Variants in BPIFA2 observed in about 807,000 individuals in gnomAD.
BPIFA2 encodes BPI fold containing family A member 2, also known as BPI fold-containing family A member 2.
BPIFA2 carries 20 observed loss-of-function variants against 25.7 expected under a neutral mutation model. The observed-to-expected ratio is 0.78, with a 90% confidence interval of 0.55 to 1.13. BPIFA2 has a LOEUF of 1.13. BPIFA2 is among the 50% of genes most tolerant of loss of function. The pLI is 0.00. For synonymous variants in BPIFA2, 126 were observed against 124.3 expected, an observed-to-expected ratio of 1.01 and a Z score of -0.09; for missense variants, 300 against 298.1, an observed-to-expected ratio of 1.01 and a Z score of -0.05.
chr20:33,179,342 A>C (rs2146458005), intron 6 of BPIFA2, among the ~76,000 whole-genome samples: 1 of 152,018 alleles, frequency 6.6e-6, no homozygotes, highest in East Asian at 1.9e-4. Context: ...AGGCAGGAGA[A>C]TCACTTGAAT....
At chr20:33,174,770 G>T (rs1002795529) in intron 4 of BPIFA2, among the ~76,000 whole-genome samples, 1 of 152,102 alleles carries the variant, frequency 6.6e-6, no homozygotes, top group African/African-American at 2.4e-5. Context: ...AATTAACCAG[G>T]TGTGGCAGCA....
At chr20:33,162,977 G>T (rs993272722) in intron 1 of BPIFA2, among the ~76,000 whole-genome samples, 5 of 152,208 alleles carry the variant, frequency 3.3e-5, no homozygotes, top group African/African-American at 1.2e-4. Flanking sequence ...GGCCATCAAT[G>T]CACAGAAAAT....
chr20:33,173,757 G>A (rs1387918651), intron 3 of BPIFA2, among the ~76,000 whole-genome samples: 2 of 152,162 alleles, frequency 1.3e-5, no homozygotes, highest in Non-Finnish European at 2.9e-5. Flanking sequence ...GCCTGCCTTG[G>A]CCTCCCAAAG....
chr20:33,176,800 A>C (rs1286639719), intron 5 of BPIFA2, among the ~76,000 whole-genome samples: 1 of 152,102 alleles, frequency 6.6e-6, no homozygotes, highest in African/African-American at 2.4e-5. Flanking sequence ...CTGTGCCCAG[A>C]TACAGTGGCC....
At chr20:33,168,971 A>T (rs1983807124) in intron 1 of BPIFA2, among the ~76,000 whole-genome samples, 160 bp from the exon 2 acceptor site, 1 of 152,210 alleles carries the variant, frequency 6.6e-6, no homozygotes, top group African/African-American at 2.4e-5. Context: ...GTCTCCGGGC[A>T]AGTTGCTGTA....
chr20:33,173,944 G>A (rs1983986972), intron 3 of BPIFA2, 135 bp from the exon 4 acceptor site: 2 of 665,880 alleles, frequency 3.0e-6, no homozygotes, highest in African/African-American at 1.8e-5. Flanking sequence ...TCAAACCTCT[G>A]AACAGGGCTA....
chr20:33,168,893 G>A (rs944178082), intron 1 of BPIFA2, among the ~76,000 whole-genome samples: 2 of 152,238 alleles, frequency 1.3e-5, no homozygotes, highest in African/African-American at 4.8e-5. Context: ...GGAACTTTGT[G>A]TCAAGAGTAT....
At chr20:33,172,408 A>AT (rs201270484) in intron 2 of BPIFA2, among the ~76,000 whole-genome samples, 21,943 of 150,244 alleles carry the variant, frequency 0.15, 3,838 homozygotes, top group African/African-American at 0.44. Flanking sequence ...AGTTAAAAAA[A>AT]AAAAATTATT....
Position 33,179,648 on chromosome 20 carries a change from T to C in BPIFA2, c.690T>C (p.Asn230=). ...TCTTCATCCACTCCCTGGATGTGAATGTCATTCAGCAGGTCGTCGGTAAGT... is the reference window on the plus strand; with the variant it reads ...TCTTCATCCACTCCCTGGATGTGAACGTCATTCAGCAGGTCGTCGGTAAGT... ...IRIFIHSLDV[N]VIQQVVDNPQ... The change falls in exon 7 of 9, where the codon AAT becomes AAC. Residue 230 remains asparagine, a synonymous_variant. Transcript: ENST00000354932. The C allele has an allele frequency of 6.2e-7, 1 of 1,612,760 alleles. No homozygotes were observed. The highest frequency in any genetic ancestry group is 8.5e-7 in the Non-Finnish European group (1 of 1,178,896).
Position 33,179,590 on chromosome 20 carries a change from T to C in BPIFA2, c.646-14T>C, listed in dbSNP as rs1284757131. 6.2e-7 allele frequency: 1 copy of C among 1,601,932 alleles called. No individual in the cohort carries two copies. The highest frequency in any genetic ancestry group is 1.7e-5 in the Admixed American group (1 of 59,988). On this transcript the variant is annotated splice_polypyrimidine_tract_variant and intron_variant, in intron 6 of 8. Coordinates refer to ENST00000354932, the MANE Select transcript of BPIFA2 (RefSeq NM_080574.4). ...TACTCCTGACCCTCCTCTTCCTCCT[T>C]TCTCCGCTGTCAGATATGTCCACTG...
chr20:33,173,920 T>C (rs1983985962), intron 3 of BPIFA2, among the ~76,000 whole-genome samples, 159 bp from the exon 4 acceptor site: 2 of 152,072 alleles, frequency 1.3e-5, no homozygotes, highest in Admixed American at 1.3e-4. Context: ...TGCTGTGCCA[T>C]AAAATACAGA....
At chr20:33,171,682 A>C (rs1983902292) in intron 2 of BPIFA2, among the ~76,000 whole-genome samples, 1 of 152,238 alleles carries the variant, frequency 6.6e-6, no homozygotes, top group Non-Finnish European at 1.5e-5. Flanking sequence ...TCAAAACCAC[A>C]ATGAGATACC....
intron 2 of BPIFA2, among the ~76,000 whole-genome samples, 187 bp from the exon 3 acceptor site, chr20:33,172,745 G>A (rs566694836): frequency 6.6e-6 from 1 of 152,208 alleles, no homozygotes; most frequent in Non-Finnish European, 1.5e-5. Context: ...GGCTAGACAC[G>A]TTTCTTAACC....
At chr20:33,180,282 G>C (rs568027715) in intron 7 of BPIFA2, among the ~76,000 whole-genome samples, 11 of 152,140 alleles carry the variant, frequency 7.2e-5, no homozygotes, top group African/African-American at 2.6e-4. Flanking sequence ...CCCTTAGGCA[G>C]TCACTTTGTG....
chr20:33,174,977 T>C (rs190874019), intron 4 of BPIFA2, among the ~76,000 whole-genome samples: 130 of 152,338 alleles, frequency 8.5e-4, no homozygotes, highest in African/African-American at 3.0e-3. Context: ...AAAGCACTTC[T>C]GTAAACTACA....
At chr20:33,163,467 C>T (rs569799604), upstream of BPIFA2, among the ~76,000 whole-genome samples, 4 of 152,160 alleles carry the variant, frequency 2.6e-5, no homozygotes, top group South Asian at 2.1e-4. Context: ...GGGGTGCTAG[C>T]GCAATGGAGA....
intron 6 of BPIFA2, among the ~76,000 whole-genome samples, chr20:33,179,211 C>T (rs1984187288): frequency 6.6e-6 from 1 of 152,052 alleles, no homozygotes; most frequent in Admixed American, 6.5e-5. Context: ...GGGCAGATCA[C>T]TTGAGGTCAG....
Position 33,180,524 on chromosome 20 carries a change from T to A in BPIFA2, c.714T>A (p.Asn238Lys), listed in dbSNP as rs1023689683. Residue 238 changes from asparagine (N) to lysine (K), a missense_variant, in exon 8 of 9, where the codon AAT (asparagine) becomes AAA (lysine). Transcript: ENST00000354932. ...CTATTGATTTTGTTTCTTCAGATAA[T>A]CCTCAGCACAAAACCCAGCTGCAAA... ...DVNVIQQVVD[N>K]PQHKTQLQTL... 6.2e-7 allele frequency: 1 copy of A among 1,613,160 alleles called. No individual in the cohort carries two copies. Among genetic ancestry groups the A allele is most frequent in the Non-Finnish European group, 8.5e-7 (1 of 1,179,156 alleles).
At chr20:33,181,185 C>T (rs6120142) in intron 8 of BPIFA2, 39 bp from the exon 9 acceptor site, 1 of 152,480 alleles carries the variant, frequency 6.6e-6, no homozygotes. Context: ...TAAGGGCAGC[C>T]TAGCAGCAAA....
Sources: allele counts gnomAD v4.1 joint callset (sites outside exome capture counted in the v4.1 genomes callset), GRCh38; gene constraint gnomAD v4.1.1; transcripts MANE v1.5; gene names NCBI Gene and HGNC (gene_info 2026-07-23, HGNC 2026-07-21).